ANK2: variants seen among roughly 807,000 people sequenced by gnomAD.
ANK2 encodes ankyrin 2.
ANK2 carries 83 observed loss-of-function variants against 360.5 expected under a neutral mutation model. The observed-to-expected ratio is 0.23, with a 90% CI of 0.19 to 0.28. ANK2 has a LOEUF of 0.28. Ranked by LOEUF, ANK2 falls within the 10% of genes least tolerant of loss-of-function variation. The pLI, the probability that ANK2 is intolerant of heterozygous loss-of-function variation, is 1.00. For missense variants in ANK2, 4,201 were observed against 4,795.7 expected (o/e 0.88, Z 3.66); for synonymous variants, 1,740 against 1,759.5 (o/e 0.99, Z 0.28).
At chr4:112,785,631 A>G in the ANK2 span, among the ~76,000 whole-genome samples, 4 of 151,154 alleles carry the variant, frequency 2.6e-5, no homozygotes, top group African/African-American at 7.3e-5. Flanking sequence ...TTGGCCTCCC[A>G]AAGTGCTGGA....
At chr4:113,172,828 C>G (rs1456640277) in intron 1 of ANK2, among the ~76,000 whole-genome samples, 1 of 152,134 alleles carries the variant, frequency 6.6e-6, no homozygotes, top group Non-Finnish European at 1.5e-5. Flanking sequence ...TATTATAACT[C>G]ACTTTTAAGT....
intron 1 of ANK2, among the ~76,000 whole-genome samples, chr4:112,843,326 TC>T (rs1041853410): frequency 4.6e-5 from 7 of 152,222 alleles, no homozygotes; most frequent in African/African-American, 1.7e-4. Context: ...ACTCTTTTTT[TC>T]TGTTTTCATC....
intron 1 of ANK2, among the ~76,000 whole-genome samples, chr4:112,854,854 G>A (rs1254767984): frequency 6.6e-6 from 1 of 152,160 alleles, no homozygotes; most frequent in African/African-American, 2.4e-5. Flanking sequence ...AGAGCTCAGT[G>A]TGGGAGGAAT....
At chr4:113,240,438 T>C (rs1239228749) in intron 7 of ANK2, 47 bp from the exon 8 acceptor site, 4 of 1,433,994 alleles carry the variant, frequency 2.8e-6, no homozygotes, top group Non-Finnish European at 3.9e-6. Flanking sequence ...GGCTGCAACA[T>C]AGAAAAGTGA....
chr4:113,369,890 TGCACTTC>T, intron 43 of ANK2, 85 bp downstream of exon 43: 1 of 1,581,784 alleles, frequency 6.3e-7, no homozygotes, highest in Admixed American at 1.7e-5. Context: ...GTTTATTTTT[TGCACTTC>T]AAAACAAAAA....
intron 1 of ANK2, among the ~76,000 whole-genome samples, chr4:112,878,412 C>T (rs533391009): frequency 1.6e-4 from 24 of 152,252 alleles, no homozygotes; most frequent in African/African-American, 5.8e-4. Context: ...CTGCCACCTC[C>T]GCCTCCCAGG....
chr4:113,293,639 A>G (rs2069168158), intron 22 of ANK2, 101 bp downstream of exon 22: 2 of 1,141,036 alleles, frequency 1.8e-6, no homozygotes, highest in Non-Finnish European at 2.6e-6. Context: ...TGGAGCTTTT[A>G]GTTTTGAACT....
chr4:112,813,505 A>G (rs1308566953), upstream of ANK2, among the ~76,000 whole-genome samples: 1 of 151,614 alleles, frequency 6.6e-6, no homozygotes, highest in African/African-American at 2.4e-5. Context: ...TTTCTATACT[A>G]TTTTTCCTTT....
intron 26 of ANK2, among the ~76,000 whole-genome samples, chr4:113,321,063 T>C (rs80045204): frequency 0.021 from 3,173 of 152,320 alleles, 118 homozygotes; most frequent in African/African-American, 0.072. Flanking sequence ...AATAGTGTGC[T>C]TGGGAGTCAG....
intron 1 of ANK2, among the ~76,000 whole-genome samples, chr4:113,092,284 T>C (rs1219119438): frequency 6.6e-6 from 1 of 152,182 alleles, no homozygotes; most frequent in Non-Finnish European, 1.5e-5. Flanking sequence ...GCACTAAATA[T>C]AGTTCAGGCT....
intron 24 of ANK2, among the ~76,000 whole-genome samples, chr4:113,313,011 G>A (rs1046704077): frequency 6.6e-5 from 10 of 152,236 alleles, no homozygotes; most frequent in African/African-American, 2.4e-4. Context: ...TGTGTAGGAG[G>A]CAAAACTAGT....
At chr4:112,978,875 C>A (rs1263163260) in intron 2 of ANK2, among the ~76,000 whole-genome samples, 4 of 152,236 alleles carry the variant, frequency 2.6e-5, no homozygotes, top group African/African-American at 4.8e-5. Context: ...ACAGAATGTG[C>A]TCAGGGTGCT....
intron 2 of ANK2, among the ~76,000 whole-genome samples, chr4:113,178,906 T>G (rs2153232775): frequency 6.6e-6 from 1 of 152,340 alleles, no homozygotes; most frequent in East Asian, 1.9e-4. Flanking sequence ...GATATCTTTT[T>G]GAGTAGCTAT....
chr4:113,033,336 A>G (rs2060827178), intron 2 of ANK2, among the ~76,000 whole-genome samples: 1 of 151,996 alleles, frequency 6.6e-6, no homozygotes, highest in African/African-American at 2.4e-5. Flanking sequence ...TTATAATCCA[A>G]TTAGTGGTCG....
At chr4:112,724,209 C>T in the ANK2 span, among the ~76,000 whole-genome samples, 29 of 151,892 alleles carry the variant, frequency 1.9e-4, no homozygotes, top group Middle Eastern at 3.4e-3. Context: ...GGACTACAGG[C>T]GCATGCCACC....
At chr4:113,275,610 TA>T (rs1429648198) in intron 15 of ANK2, among the ~76,000 whole-genome samples, 1 of 152,168 alleles carries the variant, frequency 6.6e-6, no homozygotes, top group Non-Finnish European at 1.5e-5. Flanking sequence ...GGTTGCCTGT[TA>T]TGACTTACCT....
Position 113,358,797 on chromosome 4 carries a change from T to C in ANK2, c.10179T>C (p.Asp3393=), listed in dbSNP as rs1310451981. ...APDNRSKSES[D]ASSLDSKTKC... The stretch of plus-strand genomic sequence containing the variant: ...ATAATAGAAGCAAATCTGAATCTGA[T>C]GCTAGTTCTTTGGATTCAAAGACCA... Residue 3393 remains aspartate (D), a synonymous_variant, in exon 38 of 46, where the codon GAT becomes GAC. Coordinates refer to ENST00000357077, the MANE Select transcript of ANK2 (RefSeq NM_001148.6). 2 of 1,614,100 alleles carry C rather than the reference T, an allele frequency of 1.2e-6. No homozygotes were observed. Among genetic ancestry groups the C allele is most frequent in the East Asian group, 4.5e-5 (2 of 44,880 alleles).
At chr4:112,796,454 A>G in the ANK2 span, among the ~76,000 whole-genome samples, 1 of 81,398 alleles carries the variant, frequency 1.2e-5, no homozygotes, top group Admixed American at 1.4e-4. Flanking sequence ...CTATATATCT[A>G]TCTATATATA....
intron 1 of ANK2, among the ~76,000 whole-genome samples, chr4:112,886,567 C>T (rs764172062): frequency 6.6e-6 from 1 of 152,062 alleles, no homozygotes; most frequent in Non-Finnish European, 1.5e-5. Flanking sequence ...GAAGCTGAGG[C>T]AGGAGAATCG....
Sources: allele counts gnomAD v4.1 joint callset (sites outside exome capture counted in the v4.1 genomes callset), GRCh38; gene constraint gnomAD v4.1.1; transcripts MANE v1.5; gene names NCBI Gene and HGNC (gene_info 2026-07-23, HGNC 2026-07-21).